ANKRD17: variants seen among roughly 807,000 people sequenced by gnomAD.
ANKRD17 encodes the protein ankyrin repeat domain 17.
A neutral mutation model predicts 229.7 loss-of-function variants in ANKRD17; 19 were observed. The ratio of observed to expected loss-of-function variants is 0.08; its 90% CI spans 0.06 to 0.12. ANKRD17 has a LOEUF of 0.12. Among genes scored for constraint, ANKRD17 ranks in the 10% least tolerant of loss-of-function variants. ANKRD17 has a pLI of 1.00. For synonymous variants in ANKRD17, 1,112 were observed against 1,146.1 expected (o/e 0.97, Z 0.60); for missense variants, 2,176 against 3,176.8 (o/e 0.68, Z 7.57).
chr4:73,079,889 C>T (rs943388925), intron 30 of ANKRD17, among the ~76,000 whole-genome samples: 1 of 152,038 alleles, frequency 6.6e-6, no homozygotes, highest in Non-Finnish European at 1.5e-5. Flanking sequence ...CCAAGGCGGG[C>T]GGATCATGGG....
chr4:73,225,236 A>G (rs1742344844), intron 1 of ANKRD17, among the ~76,000 whole-genome samples: 3 of 152,090 alleles, frequency 2.0e-5, no homozygotes, highest in Admixed American at 6.6e-5. Context: ...CCCTTCCTCA[A>G]ATTTTCCTCT....
chr4:73,100,018 CCCTGCCTGCTCCCAACCCT>C (rs1723773084), intron 25 of ANKRD17, among the ~76,000 whole-genome samples: 1 of 152,162 alleles, frequency 6.6e-6, no homozygotes, highest in African/African-American at 2.4e-5. Flanking sequence ...AAGGAGCTCA[CCCTGCCTGCTCCCAACCCT>C]CCTGCTCCTC....
chr4:73,121,203 TA>T, intron 19 of ANKRD17, 109 bp from the exon 20 acceptor site: 2 of 1,001,790 alleles, frequency 2.0e-6, no homozygotes, highest in South Asian at 1.4e-5. Flanking sequence ...AAGGATTGTT[TA>T]AAATATCCAT....
At chr4:73,099,620 C>T (rs955296148) in intron 25 of ANKRD17, among the ~76,000 whole-genome samples, 1 of 152,220 alleles carries the variant, frequency 6.6e-6, no homozygotes, top group African/African-American at 2.4e-5. Flanking sequence ...ATGCCCTACT[C>T]CACTGCCCTA....
intron 18 of ANKRD17, among the ~76,000 whole-genome samples, chr4:73,123,494 A>G (rs1727026764): frequency 6.6e-6 from 1 of 152,056 alleles, no homozygotes; most frequent in Non-Finnish European, 1.5e-5. Context: ...TCTTGTGTGG[A>G]GTATTCTAGT....
chr4:73,148,313 A>G (rs1264599841), intron 8 of ANKRD17, among the ~76,000 whole-genome samples: 1 of 152,228 alleles, frequency 6.6e-6, no homozygotes, highest in Non-Finnish European at 1.5e-5. Flanking sequence ...AACATATTGA[A>G]GTAATTGTTT....
chr4:73,220,388 T>C (rs750384786), intron 1 of ANKRD17, among the ~76,000 whole-genome samples: 8 of 152,090 alleles, frequency 5.3e-5, no homozygotes, highest in Non-Finnish European at 1.0e-4. Flanking sequence ...ATAAATGAAA[T>C]AGCCAAGACA....
intron 16 of ANKRD17, 149 bp downstream of exon 16, chr4:73,134,968 T>A (rs1728705502): frequency 1.3e-6 from 1 of 749,432 alleles, no homozygotes; most frequent in Non-Finnish European, 2.0e-6. Flanking sequence ...TTTTATTTTT[T>A]AAATGTGAAC....
chr4:73,111,638 A>G (rs1036088967), intron 24 of ANKRD17, among the ~76,000 whole-genome samples: 2 of 152,230 alleles, frequency 1.3e-5, no homozygotes, highest in African/African-American at 4.8e-5. Flanking sequence ...GTTTATTACA[A>G]TATTATTTGT....
intron 1 of ANKRD17, among the ~76,000 whole-genome samples, chr4:73,223,791 TTA>T (rs934963765): frequency 1.3e-5 from 2 of 152,156 alleles, no homozygotes; most frequent in Non-Finnish European, 2.9e-5. Flanking sequence ...TAAATGAAAT[TTA>T]GAGACACCAA....
intron 1 of ANKRD17, among the ~76,000 whole-genome samples, chr4:73,249,880 T>C (rs960492675): frequency 6.6e-6 from 1 of 151,972 alleles, no homozygotes; most frequent in African/African-American, 2.4e-5. Context: ...AAAATAAAAA[T>C]AAATTAAAAA....
At chr4:73,242,704 G>A (rs543459447) in intron 1 of ANKRD17, among the ~76,000 whole-genome samples, 4 of 152,226 alleles carry the variant, frequency 2.6e-5, no homozygotes, top group African/African-American at 9.6e-5. Flanking sequence ...TAACATATTA[G>A]GCTGAATCAT....
At chr4:73,160,322 G>A (rs943007531) in intron 3 of ANKRD17, among the ~76,000 whole-genome samples, 1 of 145,666 alleles carries the variant, frequency 6.9e-6, no homozygotes, top group African/African-American at 2.5e-5. Context: ...AGGTTCAAGC[G>A]ATTCTCCCGC....
chr4:73,125,456 C>T (rs544539870), intron 16 of ANKRD17, 144 bp from the exon 17 acceptor site: 37 of 669,498 alleles, frequency 5.5e-5, no homozygotes, highest in East Asian at 2.3e-4. Context: ...GGTTTATGGA[C>T]GGGCGTGGTG....
At chr4:73,142,487 A>G (rs1729736826) in intron 12 of ANKRD17, 102 bp from the exon 13 acceptor site, 1 of 1,568,012 alleles carries the variant, frequency 6.4e-7, no homozygotes. Flanking sequence ...ACGCATTAAA[A>G]TCATAGGTTT....
At chr4:73,208,762 G>A (rs1739851835) in intron 1 of ANKRD17, among the ~76,000 whole-genome samples, 1 of 152,154 alleles carries the variant, frequency 6.6e-6, no homozygotes, top group African/African-American at 2.4e-5. Flanking sequence ...TACAGCTAAT[G>A]CAGTGCATAG....
chr4:73,153,162 A>T (rs961632001), intron 6 of ANKRD17, among the ~76,000 whole-genome samples: 28 of 152,210 alleles, frequency 1.8e-4, no homozygotes, highest in African/African-American at 6.5e-4. Context: ...TGCCTCCTTA[A>T]ATTTTTTACT....
At chr4:73,231,844 TGCCTATGTAATAAAGTCTCCATAAAC>T (rs1375254573) in intron 1 of ANKRD17, among the ~76,000 whole-genome samples, 2 of 152,166 alleles carry the variant, frequency 1.3e-5, no homozygotes, top group Non-Finnish European at 2.9e-5. Flanking sequence ...TAATCAATCA[TGCCTATGTAATAAAGTCTCCATAAAC>T]GCCTATAAGG....
intron 1 of ANKRD17, among the ~76,000 whole-genome samples, chr4:73,213,486 A>G (rs1431859898): frequency 6.6e-6 from 1 of 152,200 alleles, no homozygotes; most frequent in African/African-American, 2.4e-5. Context: ...CAGAACACCA[A>G]AAACACTTTT....
Sources: allele counts gnomAD v4.1 joint callset (sites outside exome capture counted in the v4.1 genomes callset), GRCh38; gene constraint gnomAD v4.1.1; transcripts MANE v1.5; gene names NCBI Gene and HGNC (gene_info 2026-07-23, HGNC 2026-07-21).